The following KIAA0930 variants were observed in gnomAD, a reference collection of about 807,000 sequenced individuals.
KIAA0930 encodes uncharacterized protein KIAA0930.
A neutral mutation model predicts 43.9 loss-of-function variants in KIAA0930; 24 were observed. The observed-to-expected ratio is 0.55, with a 90% CI of 0.40 to 0.77. The LOEUF (loss-of-function observed/expected upper bound fraction) is 0.77. Ranked by LOEUF, KIAA0930 falls within the 30% of genes least tolerant of loss-of-function variation. The pLI is 0.00. For missense variants in KIAA0930, 461 were observed against 574.2 expected (o/e 0.80, Z 2.02); for synonymous variants, 259 against 216.4 (o/e 1.20, Z -1.73).
rs894586665 is a variant in KIAA0930, at chr22:45,214,582, C to T, written c.65-2475G>A. Among the ~76,000 whole-genome samples, 7 of 152,124 alleles carry T rather than the reference C, an allele frequency of 4.6e-5. No homozygotes were observed. In the East Asian group the frequency reaches 5.8e-4, roughly 13 times the overall value. On this transcript the variant is annotated intron_variant, in intron 1 of 9. Transcript: ENST00000336156. ...GAAAGGTTCTAGATCTTGATTGTGA[C>T]GCTGGTTTCACAGGTGCGTATAACC... is the stretch of plus-strand genomic sequence containing the variant.
intron 1 of KIAA0930, among the ~76,000 whole-genome samples, chr22:45,214,398 C>T (rs1325765721): frequency 1.3e-5 from 2 of 152,146 alleles, no homozygotes; most frequent in African/African-American, 4.8e-5. Flanking sequence ...ACAATAAAAA[C>T]AAACTAGTGA....
chr22:45,208,226 A>G (rs901641048), intron 2 of KIAA0930, among the ~76,000 whole-genome samples: 25 of 152,154 alleles, frequency 1.6e-4, no homozygotes, highest in Admixed American at 1.2e-3. Context: ...GTCAACAGGC[A>G]TGACTCACAA....
At chr22:45,218,946 T>C (rs1179909347) in intron 1 of KIAA0930, among the ~76,000 whole-genome samples, 1 of 152,190 alleles carries the variant, frequency 6.6e-6, no homozygotes, top group East Asian at 1.9e-4. Flanking sequence ...AAGAGCTTCA[T>C]GCACAGGGGC....
chr22:45,212,367 T>G, intron 1 of KIAA0930: 1 of 1,596,750 alleles, frequency 6.3e-7, no homozygotes, highest in Non-Finnish European at 8.6e-7. Context: ...CAGCTGAGCC[T>G]GACTCCAGCC....
intron 8 of KIAA0930, among the ~76,000 whole-genome samples, chr22:45,199,244 G>GAGGAC (rs2083564322): frequency 1.3e-5 from 2 of 152,188 alleles, no homozygotes; most frequent in Admixed American, 1.3e-4. Flanking sequence ...GTCACTGAGC[G>GAGGAC]AGGACAGGGA....
intron 4 of KIAA0930, 70 bp downstream of exon 4, chr22:45,205,560 T>C: frequency 6.9e-7 from 1 of 1,448,536 alleles, no homozygotes; most frequent in Non-Finnish European, 9.7e-7. Context: ...GCAGGAGGAC[T>C]TGTCTCTCTC....
At chr22:45,202,911 G>A (rs1050081261) in intron 7 of KIAA0930, 79 bp downstream of exon 7, 21 of 1,247,302 alleles carry the variant, frequency 1.7e-5, no homozygotes, top group Non-Finnish European at 2.3e-5. Context: ...ATGTCCCCAG[G>A]GGGCCGTGAG....
intron 1 of KIAA0930, among the ~76,000 whole-genome samples, chr22:45,232,479 G>T (rs904863806): frequency 6.6e-6 from 1 of 152,224 alleles, no homozygotes; most frequent in African/African-American, 2.4e-5. Flanking sequence ...GCACTGGTGA[G>T]ATCAGGCAGC....
At chr22:45,229,814 C>T (rs1267661275) in intron 1 of KIAA0930, among the ~76,000 whole-genome samples, 1 of 152,236 alleles carries the variant, frequency 6.6e-6, no homozygotes, top group Non-Finnish European at 1.5e-5. Context: ...TGAACGTGGG[C>T]CAGGTGCAGT....
intron 2 of KIAA0930, among the ~76,000 whole-genome samples, chr22:45,211,111 G>T (rs1241113709): frequency 2.0e-5 from 3 of 152,178 alleles, no homozygotes; most frequent in Non-Finnish European, 4.4e-5. Flanking sequence ...TCAGAAAATG[G>T]GCCCAAGGCA....
At chr22:45,205,016 G>A (rs557228701) in intron 5 of KIAA0930, among the ~76,000 whole-genome samples, 56 of 152,288 alleles carry the variant, frequency 3.7e-4, no homozygotes, top group African/African-American at 1.3e-3. Context: ...TACAGAGGAG[G>A]AAACGGAGGC....
At chr22:45,225,529 G>A (rs1456805586) in intron 1 of KIAA0930, among the ~76,000 whole-genome samples, 3 of 152,322 alleles carry the variant, frequency 2.0e-5, no homozygotes, top group East Asian at 3.9e-4. Flanking sequence ...GTTCCAGCCA[G>A]CCTCGGCCCT....
rs1480774355 is a variant in KIAA0930, at chr22:45,240,894, C to G, written c.-191G>C. 3.8e-5 allele frequency: 2 copies of G among 52,678 alleles called. No individual in the cohort carries two copies. Among genetic ancestry groups the G allele is most frequent in the African/African-American group, 7.1e-5 (1 of 14,054 alleles). 3.3% of individuals were successfully genotyped at this position (52,678 alleles called of 1,614,324 possible). The stretch of plus-strand genomic sequence containing the variant: ...AACACAGCACCGGCGAGCGCACCTC[C>G]GCGCCGCCGCCGCCCGCGCGCCCCC... On this transcript the variant is annotated 5_prime_UTR_variant, in exon 1 of 10. Transcript: ENST00000336156.
At chr22:45,212,196 C>G (rs2083700643) in intron 1 of KIAA0930, 89 bp from the exon 2 acceptor site, 1 of 1,613,004 alleles carries the variant, frequency 6.2e-7, no homozygotes, top group Admixed American at 1.7e-5. Flanking sequence ...CATACCCCCA[C>G]ATTTCTGGCC....
At chr22:45,225,470 C>A (rs1048313154) in intron 1 of KIAA0930, among the ~76,000 whole-genome samples, 1 of 152,176 alleles carries the variant, frequency 6.6e-6, no homozygotes, top group African/African-American at 2.4e-5. Flanking sequence ...CCTTACCAGG[C>A]AAGCCAGGCT....
At chr22:45,202,780 A>G (rs982354762) in intron 7 of KIAA0930, 2 of 509,000 alleles carry the variant, frequency 3.9e-6, no homozygotes, top group African/African-American at 4.0e-5. Flanking sequence ...CAAGGCAGGA[A>G]CGCCTCCCCT....
At chr22:45,200,729 A>G (rs1375697884) in intron 7 of KIAA0930, among the ~76,000 whole-genome samples, 2 of 152,260 alleles carry the variant, frequency 1.3e-5, no homozygotes, top group African/African-American at 4.8e-5. Flanking sequence ...AAGGACAGAC[A>G]GGCACATTGC....
intron 7 of KIAA0930, chr22:45,202,522 G>A (rs899257296): frequency 3.9e-5 from 6 of 154,130 alleles, no homozygotes; most frequent in African/African-American, 7.3e-5. Flanking sequence ...CTCTGCATGC[G>A]CTGGCTGACC....
At chr22:45,212,454 G>A (rs2083703514) in intron 1 of KIAA0930, 9 of 1,464,732 alleles carry the variant, frequency 6.1e-6, no homozygotes, top group Middle Eastern at 2.5e-4. Flanking sequence ...CTGGTGTCTG[G>A]GCTGGAAGCC....
Sources: gnomAD v4.1 joint callset for allele counts (sites outside exome capture counted in the v4.1 genomes callset) on GRCh38, gnomAD v4.1.1 for gene constraint, MANE v1.5 for transcripts, NCBI Gene and HGNC (gene_info 2026-07-23, HGNC 2026-07-21) for gene names.